Variants in ARHGAP26 observed in about 807,000 individuals in gnomAD.
ARHGAP26 encodes rho GTPase-activating protein 26.
Under a neutral mutation model 104.8 loss-of-function variants are expected in ARHGAP26, and 38 were observed. That is an observed-to-expected ratio of 0.36 (90% CI 0.28 to 0.48). ARHGAP26 has a LOEUF of 0.48. Ranked by LOEUF, ARHGAP26 falls within the 20% of genes least tolerant of loss-of-function variation. The pLI, the probability that ARHGAP26 is intolerant of heterozygous loss-of-function variation, is 0.99. For synonymous variants in ARHGAP26, 341 were observed against 340.0 expected (o/e 1.00, Z -0.03); for missense variants, 704 against 947.9 (o/e 0.74, Z 3.38).
intron 11 of ARHGAP26, among the ~76,000 whole-genome samples, chr5:142,992,790 T>C (rs997838973): frequency 2.0e-5 from 3 of 152,168 alleles, no homozygotes; most frequent in Non-Finnish European, 4.4e-5. Flanking sequence ...ACCATATGAA[T>C]TGTCATCCAA....
At chr5:142,782,658 GT>G (rs1287220577) in intron 1 of ARHGAP26, among the ~76,000 whole-genome samples, 2 of 152,204 alleles carry the variant, frequency 1.3e-5, no homozygotes, top group Non-Finnish European at 2.9e-5. Context: ...ATCCTGGCCA[GT>G]TTAGGTGAGG....
At chr5:142,863,340 C>A (rs1199105979) in intron 1 of ARHGAP26, among the ~76,000 whole-genome samples, 1 of 152,162 alleles carries the variant, frequency 6.6e-6, no homozygotes, top group Non-Finnish European at 1.5e-5. Flanking sequence ...AACTCCTGAC[C>A]TCGTGATCCG....
At chr5:143,037,456 C>G (rs545988495) in intron 13 of ARHGAP26, among the ~76,000 whole-genome samples, 195 bp downstream of exon 13, 2 of 152,256 alleles carry the variant, frequency 1.3e-5, no homozygotes, top group East Asian at 3.9e-4. Context: ...ACTTCTTTGG[C>G]TGATCAGAAG....
chr5:143,222,413 C>T lies in ARHGAP26; in HGVS notation c.2247C>T (p.Gly749=). ...WLEGTLNGKT[G]LIPENYVEFL ...AGGGGACTCTGAACGGAAAGACTGG[C>T]CTCATCCCTGAGAATTACGTGGAGT... Residue 749 remains glycine (G), a synonymous_variant, in exon 23 of 23, where the codon GGC becomes GGT. Transcript: ENST00000645722. The T allele has an allele frequency of 6.2e-7, 1 of 1,604,648 alleles. No individual in the cohort carries two copies. Among genetic ancestry groups the T allele is most frequent in the Non-Finnish European group, 8.5e-7 (1 of 1,173,284 alleles).
At chr5:143,152,806 G>A (rs1490840321) in intron 20 of ARHGAP26, among the ~76,000 whole-genome samples, 1 of 152,208 alleles carries the variant, frequency 6.6e-6, no homozygotes, top group African/African-American at 2.4e-5. Context: ...TTACTGGAGA[G>A]AGAAGCCCAG....
intron 19 of ARHGAP26, among the ~76,000 whole-genome samples, chr5:143,136,700 G>T (rs1487192462): frequency 6.6e-6 from 1 of 152,114 alleles, no homozygotes; most frequent in Admixed American, 6.5e-5. Flanking sequence ...TCCCTCCCAG[G>T]TTGTAATCCA....
At chr5:143,067,375 C>A (rs543467744) in intron 17 of ARHGAP26, among the ~76,000 whole-genome samples, 2 of 152,310 alleles carry the variant, frequency 1.3e-5, no homozygotes, top group South Asian at 4.1e-4. Context: ...GATTTCCTTT[C>A]CCGAGTTACT....
At chr5:142,891,420 G>T (rs966565285) in intron 5 of ARHGAP26, among the ~76,000 whole-genome samples, 2 of 151,980 alleles carry the variant, frequency 1.3e-5, no homozygotes, top group Admixed American at 6.5e-5. Flanking sequence ...GAAGTTGCTA[G>T]CATGAGAGAC....
intron 17 of ARHGAP26, among the ~76,000 whole-genome samples, chr5:143,107,283 G>A (rs148182653): frequency 2.5e-4 from 38 of 152,278 alleles, no homozygotes; most frequent in Non-Finnish European, 3.7e-4. Context: ...GGGCTGGATC[G>A]TATAGGCCAC....
In ARHGAP26 at chr5:143,163,114, TAAAAAG is replaced by T. The variant is rs1030051736; in HGVS notation, c.1988+15747_1988+15752del. ...TGGGTGACACAGTAAGACCTCATCT[TAAAAAG>T]AAAAAGAAAAAGACACTATTCGAGG... On this transcript the variant is annotated intron_variant, in intron 20 of 22. Coordinates refer to ENST00000645722, the MANE Select transcript of ARHGAP26 (RefSeq NM_001135608.3). Among the ~76,000 whole-genome samples the T allele has an allele frequency of 1.2e-4, 18 of 151,632 alleles. No individual in the cohort carries two copies. The South Asian group carries it at 3.3e-3, about 28-fold the overall frequency.
intron 17 of ARHGAP26, among the ~76,000 whole-genome samples, chr5:143,068,028 G>C (rs981819947): frequency 6.6e-6 from 1 of 152,158 alleles, no homozygotes; most frequent in Non-Finnish European, 1.5e-5. Flanking sequence ...CCTGGGTGTG[G>C]TGGCATTTGC....
intron 1 of ARHGAP26, among the ~76,000 whole-genome samples, chr5:142,833,520 A>G (rs544543564): frequency 7.2e-5 from 11 of 152,304 alleles, no homozygotes; most frequent in African/African-American, 2.4e-4. Flanking sequence ...TATTTTAAAG[A>G]ATATGATGGA....
At chr5:142,948,170 T>A (rs1432527455) in intron 11 of ARHGAP26, among the ~76,000 whole-genome samples, 1 of 152,118 alleles carries the variant, frequency 6.6e-6, no homozygotes, top group African/African-American at 2.4e-5. Flanking sequence ...TTCCTTTTCT[T>A]AGTAATTTTT....
At chr5:143,155,510 G>A (rs186800674) in intron 20 of ARHGAP26, among the ~76,000 whole-genome samples, 2 of 152,276 alleles carry the variant, frequency 1.3e-5, no homozygotes, top group East Asian at 3.9e-4. Context: ...TATTAGTGGT[G>A]GTTCTTCTTT....
Position 142,931,306 on chromosome 5 carries a change from G to A in ARHGAP26, c.1029-741G>A, listed in dbSNP as rs568642706. On this transcript the variant is annotated intron_variant, in intron 10 of 22. Transcript: ENST00000645722. ...GCTTTCAGCCGCTTCTCCCAAGGTC[G>A]TTTTTATGGCGCAGTCTCTTTTTCT... 3.3e-5 allele frequency among the ~76,000 whole-genome samples: 5 copies of A among 152,264 alleles called. No individual in the cohort carries two copies. In the East Asian group the frequency reaches 5.8e-4, roughly 18 times the overall value.
intron 1 of ARHGAP26, among the ~76,000 whole-genome samples, chr5:142,833,504 T>C (rs1768934824): frequency 6.6e-6 from 1 of 152,234 alleles, no homozygotes; most frequent in Admixed American, 6.5e-5. Context: ...TAAGTTTTTT[T>C]TAAACTATTT....
chr5:142,778,350 A>C (rs1438400016), intron 1 of ARHGAP26, among the ~76,000 whole-genome samples: 1 of 152,234 alleles, frequency 6.6e-6, no homozygotes, highest in Admixed American at 6.5e-5. Flanking sequence ...AGCATCAAAG[A>C]GTATAGACGT....
intron 18 of ARHGAP26, among the ~76,000 whole-genome samples, chr5:143,123,140 G>T (rs1451589435): frequency 2.0e-5 from 3 of 152,182 alleles, no homozygotes; most frequent in African/African-American, 7.2e-5. Flanking sequence ...ATTCCCTTGT[G>T]TAGCCCCCTC....
At chr5:143,007,195 A>G (rs980156016) in intron 11 of ARHGAP26, among the ~76,000 whole-genome samples, 49 of 61,944 alleles carry the variant, frequency 7.9e-4, no homozygotes, top group Admixed American at 2.2e-3. Flanking sequence ...TCTGTCTCCG[A>G]AAAAAAAAAA....
Sources: gnomAD v4.1 joint callset for allele counts (sites outside exome capture counted in the v4.1 genomes callset) on GRCh38, gnomAD v4.1.1 for gene constraint, MANE v1.5 for transcripts, NCBI Gene and HGNC (gene_info 2026-07-23, HGNC 2026-07-21) for gene names.